The following TTC17 variants were observed in gnomAD, a reference collection of about 807,000 sequenced individuals.
TTC17 encodes tetratricopeptide repeat domain 17, also known as tetratricopeptide repeat protein 17.
A neutral mutation model predicts 143.8 loss-of-function variants in TTC17; 58 were observed. That is an observed-to-expected ratio of 0.40 (90% CI 0.33 to 0.50). The LOEUF is 0.50. Among genes scored for constraint, TTC17 ranks in the 20% least tolerant of loss-of-function variants. The pLI, the probability that TTC17 is intolerant of heterozygous loss-of-function variation, is 0.49. For synonymous variants in TTC17, 501 were observed against 497.8 expected (o/e 1.01, Z -0.09); for missense variants, 1,273 against 1,392.5 (o/e 0.91, Z 1.37).
intron 21 of TTC17, among the ~76,000 whole-genome samples, chr11:43,485,257 T>C (rs1948359930): frequency 6.6e-6 from 1 of 152,030 alleles, no homozygotes; most frequent in East Asian, 1.9e-4. Flanking sequence ...AAAAGTAATA[T>C]TGAAAATTGG....
intron 21 of TTC17, chr11:43,466,702 C>A: frequency 2.7e-6 from 1 of 364,678 alleles, no homozygotes; most frequent in South Asian, 2.6e-5. Flanking sequence ...GCACCCAAAA[C>A]AAATGAGTCC....
chr11:43,412,561 A>G lies in TTC17; in HGVS notation c.2065-2029A>G, dbSNP rs73530605. On this transcript the variant is annotated intron_variant, in intron 15 of 23. Transcript: ENST00000039989. ...AAGATATCACTAAGAGAAAGAAGAC[A>G]TAAGTACAGGTTGAGCATCCTAAAT... 1.9e-3 allele frequency among the ~76,000 whole-genome samples: 295 copies of G among 152,328 alleles called. 2 individuals carry two copies. Among genetic ancestry groups the G allele is most frequent in the African/African-American group, 6.8e-3 (284 of 41,576 alleles).
chr11:43,390,516 T>C (rs1461046945), intron 3 of TTC17, among the ~76,000 whole-genome samples: 2 of 151,730 alleles, frequency 1.3e-5, no homozygotes, highest in Non-Finnish European at 2.9e-5. Context: ...CTCGGGAAGC[T>C]GAGGCAGGAG....
chr11:43,360,427 G>T (rs1856053652), intron 1 of TTC17, among the ~76,000 whole-genome samples: 1 of 152,156 alleles, frequency 6.6e-6, no homozygotes, highest in South Asian at 2.1e-4. Context: ...GTGAGTGCTG[G>T]TTGCTTCCAC....
chr11:43,429,746 G>A (rs529428295), intron 16 of TTC17, among the ~76,000 whole-genome samples: 113 of 152,274 alleles, frequency 7.4e-4, no homozygotes, highest in African/African-American at 2.6e-3. Flanking sequence ...GGGTAGAAAG[G>A]TAAGGAGAAA....
Position 43,391,627 on chromosome 11 carries a change from C to A in TTC17, c.531+51C>A, listed in dbSNP as rs1178257587. ...TTTTTTTTGCGTTGCGTTCTTCTTT[C>A]AGTTGGTCTCTCACTTATAAAGACC... On this transcript the variant is annotated intron_variant, in intron 4 of 23. Transcript: ENST00000039989. 4.8e-6 allele frequency: 6 copies of A among 1,243,406 alleles called. No individual in the cohort carries two copies. The Admixed American group carries it at 9.9e-5, about 21-fold the overall frequency. The allele number at this position is 1,243,406 out of a possible 1,614,324, so 77.0% of individuals were successfully genotyped here.
intron 2 of TTC17, among the ~76,000 whole-genome samples, chr11:43,383,555 G>T (rs1020912380): frequency 6.6e-6 from 1 of 151,242 alleles, no homozygotes; most frequent in African/African-American, 2.4e-5. Flanking sequence ...GTAGAGACAG[G>T]GTTTCACCAT....
chr11:43,434,009 C>T (rs1034518913), intron 16 of TTC17, among the ~76,000 whole-genome samples: 1 of 152,028 alleles, frequency 6.6e-6, no homozygotes. Context: ...TATTTTAATG[C>T]TCTTATGTTT....
chr11:43,419,159 T>G (rs1946844477), intron 16 of TTC17, among the ~76,000 whole-genome samples: 1 of 152,186 alleles, frequency 6.6e-6, no homozygotes, highest in Non-Finnish European at 1.5e-5. Flanking sequence ...TTAAAAAAAT[T>G]GGCCCAGATC....
At chr11:43,444,379 T>A in intron 18 of TTC17, 170 bp downstream of exon 18, 1 of 551,078 alleles carries the variant, frequency 1.8e-6, no homozygotes, top group Non-Finnish European at 2.9e-6. Flanking sequence ...GTTCAAACTC[T>A]AAAACATTAT....
chr11:43,431,077 C>G (rs893835938), intron 16 of TTC17, among the ~76,000 whole-genome samples: 1 of 152,138 alleles, frequency 6.6e-6, no homozygotes, highest in Non-Finnish European at 1.5e-5. Flanking sequence ...CCAGCTTCAT[C>G]CATGTCCCTG....
chr11:43,430,506 G>A (rs1004862032), intron 16 of TTC17, among the ~76,000 whole-genome samples: 1 of 152,090 alleles, frequency 6.6e-6, no homozygotes, highest in Non-Finnish European at 1.5e-5. Context: ...GGTACCCATA[G>A]CCTATTTTCA....
intron 5 of TTC17, among the ~76,000 whole-genome samples, chr11:43,394,067 G>A (rs369125608): frequency 2.0e-5 from 3 of 152,292 alleles, no homozygotes; most frequent in South Asian, 4.1e-4. Context: ...CAATCCTTAT[G>A]ACTTCATTTA....
chr11:43,441,662 T>A (rs1373773513), intron 16 of TTC17, among the ~76,000 whole-genome samples: 1 of 152,180 alleles, frequency 6.6e-6, no homozygotes, highest in Non-Finnish European at 1.5e-5. Context: ...TGTACATATT[T>A]AGTGTTGTTT....
intron 10 of TTC17, 81 bp from the exon 11 acceptor site, chr11:43,403,917 G>A (rs1857989348): frequency 4.8e-6 from 6 of 1,240,362 alleles, no homozygotes; most frequent in Admixed American, 6.0e-5. Flanking sequence ...ATATTCACTC[G>A]CTTTTTTGGT....
At chr11:43,397,314 A>G (rs752443030) in intron 6 of TTC17, 33 bp from the exon 7 acceptor site, 2 of 1,586,064 alleles carry the variant, frequency 1.3e-6, no homozygotes, top group Non-Finnish European at 8.6e-7. Flanking sequence ...AAGTGGTTCT[A>G]CATAATCATG....
chr11:43,400,159 CT>C (rs1383584182), intron 9 of TTC17, 111 bp downstream of exon 9: 1 of 1,205,976 alleles, frequency 8.3e-7, no homozygotes, highest in Non-Finnish European at 1.1e-6. Flanking sequence ...GTGTTTATGA[CT>C]TCCCTACATC....
chr11:43,380,823 A>G (rs1590327995), intron 2 of TTC17, among the ~76,000 whole-genome samples: 1 of 152,158 alleles, frequency 6.6e-6, no homozygotes, highest in South Asian at 2.1e-4. Flanking sequence ...CCTTGTTCCT[A>G]CTGGTTTTAT....
chr11:43,438,163 G>GCCCA (rs1311621346), intron 16 of TTC17, among the ~76,000 whole-genome samples: 2 of 152,144 alleles, frequency 1.3e-5, no homozygotes, highest in Non-Finnish European at 2.9e-5. Context: ...AGGCCCTATG[G>GCCCA]TGGTAATCTT....
Sources: gnomAD v4.1 joint callset for allele counts (sites outside exome capture counted in the v4.1 genomes callset) on GRCh38, gnomAD v4.1.1 for gene constraint, MANE v1.5 for transcripts, NCBI Gene and HGNC (gene_info 2026-07-23, HGNC 2026-07-21) for gene names.